Variants in ZNF227 observed in about 807,000 individuals in gnomAD.
The protein encoded by ZNF227 is zinc finger protein 227.
In ZNF227, 12 loss-of-function variants were observed where a neutral mutation model predicts 13.2. That is an observed-to-expected ratio of 0.91 (90% CI 0.58 to 1.47). The LOEUF is 1.47. Ranked by LOEUF, ZNF227 falls within the 40% of genes most tolerant of loss-of-function variation. ZNF227 has a pLI of 0.00. For synonymous variants in ZNF227, 338 were observed against 326.0 expected, an observed-to-expected ratio of 1.04 and a Z score of -0.40; for missense variants, 885 against 967.5, an observed-to-expected ratio of 0.91 and a Z score of 1.13.
At chr19:44,212,105 G>T (rs576875526), upstream of ZNF227, among the ~76,000 whole-genome samples, 75 of 151,826 alleles carry the variant, frequency 4.9e-4, no homozygotes, top group Admixed American at 4.9e-3. Context: ...GGCCAAGCTG[G>T]TCTGGAACTC....
chr19:44,214,904 T>C (rs1271874924), intron 2 of ZNF227, among the ~76,000 whole-genome samples: 2 of 151,780 alleles, frequency 1.3e-5, no homozygotes, highest in Non-Finnish European at 2.9e-5. Flanking sequence ...AGGAGGTGAT[T>C]GGAGGGGTAC....
At chr19:44,207,903 T>C (rs1971247109), upstream of ZNF227, 1 of 152,234 alleles carries the variant, frequency 6.6e-6, no homozygotes, top group African/African-American at 2.4e-5. Context: ...TCTTAATCTT[T>C]CTCTATCCCA....
In ZNF227 at chr19:44,225,964, G is replaced by A. The variant is rs567419889; in HGVS notation, c.61-2482G>A. On this transcript the variant is annotated intron_variant, in intron 3 of 5. Coordinates refer to ENST00000313040, the MANE Select transcript of ZNF227 (RefSeq NM_182490.3). ...TTTGGTGTGGATGTCCTTTCTGTTTGTTAGTGTTCCTTCTAACAGACAGGA... is the reference window on the plus strand; with the variant it reads ...TTTGGTGTGGATGTCCTTTCTGTTTATTAGTGTTCCTTCTAACAGACAGGA... 2.0e-5 allele frequency among the ~76,000 whole-genome samples: 3 copies of A among 152,318 alleles called. No homozygotes were observed. In the South Asian group the frequency reaches 6.2e-4, roughly 32 times the overall value.
At chr19:44,223,829 C>T (rs1972810646) in intron 3 of ZNF227, among the ~76,000 whole-genome samples, 1 of 151,892 alleles carries the variant, frequency 6.6e-6, no homozygotes, top group African/African-American at 2.4e-5. Flanking sequence ...TTAGCTCTTG[C>T]TTTTCTAGTT....
At chr19:44,209,254 G>A (rs118004036), upstream of ZNF227, among the ~76,000 whole-genome samples, 1,811 of 152,196 alleles carry the variant, frequency 0.012, 21 homozygotes, top group Middle Eastern at 0.027. Context: ...TTTAACTCTT[G>A]TAAACATTTT....
chr19:44,209,031 C>T (rs567047565), upstream of ZNF227, among the ~76,000 whole-genome samples: 2 of 152,262 alleles, frequency 1.3e-5, no homozygotes, highest in African/African-American at 2.4e-5. Context: ...GCTATGACCA[C>T]GGCACTGCAC....
upstream of ZNF227, among the ~76,000 whole-genome samples, chr19:44,211,193 ACT>A (rs1019336498): frequency 2.0e-5 from 3 of 147,992 alleles, no homozygotes; most frequent in Middle Eastern, 3.4e-3. Context: ...AAAGAGCCAA[ACT>A]CTGTCTAACA....
chr19:44,209,839 G>A (rs1266941529), upstream of ZNF227, among the ~76,000 whole-genome samples: 5 of 152,104 alleles, frequency 3.3e-5, no homozygotes, highest in Non-Finnish European at 7.4e-5. Flanking sequence ...GCCCACCTCG[G>A]CCTCCCAAAG....
intron 4 of ZNF227, 109 bp from the exon 5 acceptor site, chr19:44,229,624 T>G: frequency 1.9e-6 from 1 of 531,634 alleles, no homozygotes. Context: ...AATAAATAAA[T>G]AAAATAATAA....
In ZNF227 at chr19:44,235,636, C is replaced by T; in HGVS notation, c.1206C>T (p.His402=). Residue 402 remains histidine (H), a synonymous_variant, in exon 6 of 6, where the codon CAC becomes CAT. Coordinates refer to ENST00000313040, the MANE Select transcript of ZNF227 (RefSeq NM_182490.3). ...ATCTCCGTGTTCACCAGAGGGTCCA[C>T]AGGGGTGAGAAGCCCTATAAATGTG... ...SVNLRVHQRV[H]RGEKPYKCEE... The T allele has an allele frequency of 1.2e-6, 2 of 1,614,008 alleles. No homozygotes were observed. Among genetic ancestry groups the T allele is most frequent in the Non-Finnish European group, 1.7e-6 (2 of 1,180,012 alleles).
intron 3 of ZNF227, among the ~76,000 whole-genome samples, chr19:44,223,225 C>CT (rs1262887841): frequency 1.3e-5 from 2 of 152,128 alleles, no homozygotes; most frequent in Non-Finnish European, 2.9e-5. Flanking sequence ...CTAAAATTCT[C>CT]TTTTTTGGTT....
intron 5 of ZNF227, among the ~76,000 whole-genome samples, chr19:44,230,788 T>C (rs973274556): frequency 3.3e-5 from 5 of 150,926 alleles, no homozygotes; most frequent in South Asian, 2.1e-4. Context: ...AAATTAAAAG[T>C]AAGCTGGGTA....
upstream of ZNF227, among the ~76,000 whole-genome samples, chr19:44,211,022 C>G (rs1971338695): frequency 6.6e-6 from 1 of 152,014 alleles, no homozygotes; most frequent in Non-Finnish European, 1.5e-5. Context: ...GGCAAAACCC[C>G]GTCTCTACTA....
intron 1 of ZNF227, 28 bp downstream of exon 1, chr19:44,212,613 C>T (rs923975929): frequency 2.0e-5 from 3 of 152,092 alleles, no homozygotes; most frequent in African/African-American, 4.8e-5. Context: ...CCCCACGACC[C>T]CTCTTGAACC....
chr19:44,233,714 G>T (rs1974105828), intron 5 of ZNF227, among the ~76,000 whole-genome samples: 4 of 151,996 alleles, frequency 2.6e-5, no homozygotes, highest in Admixed American at 2.6e-4. Context: ...TGGCCAACAT[G>T]GCAAAACCCC....
At chr19:44,216,907 A>G (rs1019505414) in intron 2 of ZNF227, among the ~76,000 whole-genome samples, 1 of 151,458 alleles carries the variant, frequency 6.6e-6, no homozygotes, top group Non-Finnish European at 1.5e-5. Flanking sequence ...TGACTTTCAT[A>G]GGAGAGCAAT....
chr19:44,226,487 C>G (rs1973177957), intron 3 of ZNF227, among the ~76,000 whole-genome samples: 2 of 152,224 alleles, frequency 1.3e-5, no homozygotes, highest in South Asian at 4.1e-4. Context: ...GGCAGGCGCC[C>G]TCCCCCAGCC....
At chr19:44,215,981 T>A (rs570719386) in intron 2 of ZNF227, among the ~76,000 whole-genome samples, 1 of 103,376 alleles carries the variant, frequency 9.7e-6, no homozygotes, top group African/African-American at 4.3e-5. Context: ...AGAGCGAAAC[T>A]CTCTCTCTAA....
chr19:44,235,093 A>C lies in ZNF227; in HGVS notation c.663A>C (p.Thr221=), dbSNP rs199645886. 4.3e-6 allele frequency: 7 copies of C among 1,613,962 alleles called. No individual in the cohort carries two copies. In the East Asian group the frequency reaches 1.3e-4, roughly 31 times the overall value. Residue 221 remains threonine, a synonymous_variant, in exon 6 of 6, where the codon ACA becomes ACC. Transcript: ENST00000313040. ...SPFHEHIKTD[T]EPKPCKGNEY... The stretch of plus-strand genomic sequence containing the variant: ...TTCATGAGCATATTAAAACTGACAC[A>C]GAACCAAAACCCTGCAAAGGTAATG...
Sources: gnomAD v4.1 joint callset for allele counts (sites outside exome capture counted in the v4.1 genomes callset) on GRCh38, gnomAD v4.1.1 for gene constraint, MANE v1.5 for transcripts, NCBI Gene and HGNC (gene_info 2026-07-23, HGNC 2026-07-21) for gene names.